Variants in WDR49 observed in about 807,000 individuals in gnomAD.
WDR49 encodes the protein cilia- and flagella-associated protein 337.
In WDR49, 107 loss-of-function variants were observed where a neutral mutation model predicts 119.5. That is an observed-to-expected ratio of 0.90 (90% CI 0.77 to 1.05). The LOEUF (loss-of-function observed/expected upper bound fraction) is 1.05, where lower values mean the gene tolerates loss of function less well. Among genes scored for constraint, WDR49 ranks in the 50% least tolerant of loss-of-function variants. The pLI is 0.00. For synonymous variants in WDR49, 425 were observed against 418.8 expected (o/e 1.01, Z -0.18); for missense variants, 1,240 against 1,220.5 (o/e 1.02, Z -0.24).
At chr3:167,567,676 C>T (rs1266678386) in intron 8 of WDR49, among the ~76,000 whole-genome samples, 2 of 152,156 alleles carry the variant, frequency 1.3e-5, no homozygotes, top group Non-Finnish European at 2.9e-5. Context: ...CTTAAAGGCC[C>T]TCATGACCCC....
chr3:167,552,466 T>C (rs1235388512), intron 10 of WDR49, among the ~76,000 whole-genome samples: 2 of 152,076 alleles, frequency 1.3e-5, no homozygotes, highest in Non-Finnish European at 2.9e-5. Flanking sequence ...AAAACAGATA[T>C]GACTTAGTGA....
rs539480598 is a variant in WDR49 at position 167,595,358 on chromosome 3, G to GA, written c.1275+6768dup. Among the ~76,000 whole-genome samples the GA allele has an allele frequency of 8.8e-3, 1,340 of 152,162 alleles. 90 individuals are homozygous for GA. The East Asian group carries it at 0.17, about 20-fold the overall frequency. The stretch of plus-strand genomic sequence containing the variant: ...ACCAATGACTTTCCTCACAGAATTG[G>GA]AAAAAACTACTTTAAAGTTCATATG... On this transcript the variant is annotated intron_variant, in intron 7 of 18. Coordinates refer to ENST00000682715, the MANE Select transcript of WDR49 (RefSeq NM_001366157.1).
At chr3:167,641,724 T>C (rs1717889786) in intron 2 of WDR49, among the ~76,000 whole-genome samples, 1 of 151,910 alleles carries the variant, frequency 6.6e-6, no homozygotes, top group Admixed American at 6.6e-5. Flanking sequence ...ATTTTCAGAA[T>C]TAAACACTGG....
chr3:167,631,417 A>G (rs1001030289), intron 2 of WDR49, among the ~76,000 whole-genome samples: 17 of 152,076 alleles, frequency 1.1e-4, no homozygotes, highest in African/African-American at 3.9e-4. Flanking sequence ...GAATGTACAC[A>G]TTGGGAGACT....
chr3:167,548,492 C>A (rs1169310328), intron 10 of WDR49, among the ~76,000 whole-genome samples: 2 of 151,936 alleles, frequency 1.3e-5, no homozygotes, highest in African/African-American at 4.8e-5. Context: ...CTGCAATGGG[C>A]AGAGATATTT....
At position 167,478,731 on chromosome 3, in the gene WDR49, G is replaced by A. The variant is rs1051805135; in HGVS notation, c.*147C>T. On this transcript the variant is annotated 3_prime_UTR_variant, in exon 19 of 19. Coordinates refer to ENST00000682715, the MANE Select transcript of WDR49 (RefSeq NM_001366157.1). ...TAAGAATACAGAGAAATTGACAGAT[G>A]ATAGATAAAAGCAGTACTAAATTAT... 4.3e-6 allele frequency: 2 copies of A among 470,026 alleles called. No homozygotes were observed. The highest frequency in any genetic ancestry group is 4.1e-5 in the African/African-American group (2 of 49,082). 29.1% of individuals were successfully genotyped at this position (470,026 alleles called of 1,614,324 possible).
At chr3:167,651,038 A>G (rs1718352539) in intron 2 of WDR49, among the ~76,000 whole-genome samples, 1 of 152,198 alleles carries the variant, frequency 6.6e-6, no homozygotes, top group Non-Finnish European at 1.5e-5. Flanking sequence ...CATAAGCACT[A>G]ATTGCTTTAT....
chr3:167,628,089 G>A (rs1395295454), intron 2 of WDR49, among the ~76,000 whole-genome samples: 1 of 152,034 alleles, frequency 6.6e-6, no homozygotes, highest in Admixed American at 6.6e-5. Context: ...ATACAAGACA[G>A]CAAACTTAAT....
At position 167,584,431 on chromosome 3, in the gene WDR49, A is replaced by T. The variant is rs77556806; in HGVS notation, c.1276-8280T>A. Among the ~76,000 whole-genome samples, 1,040 of 152,278 alleles carry T rather than the reference A, an allele frequency of 6.8e-3. 57 individuals are homozygous for T. In the East Asian group the frequency reaches 0.13, roughly 20 times the overall value. ...TGATAGGGCTTTTCATGGGAATGGG[A>T]CATTTGTACTGATCCTAAAATTTAC... On this transcript the variant is annotated intron_variant, in intron 7 of 18. Transcript: ENST00000682715.
intron 10 of WDR49, among the ~76,000 whole-genome samples, chr3:167,552,570 T>TG (rs1296809968): frequency 6.6e-6 from 1 of 152,066 alleles, no homozygotes; most frequent in African/African-American, 2.4e-5. Context: ...AAGCACGTTT[T>TG]GGAAAGGAGA....
At chr3:167,625,538 T>C (rs564236256) in intron 3 of WDR49, among the ~76,000 whole-genome samples, 1 of 152,206 alleles carries the variant, frequency 6.6e-6, no homozygotes, top group South Asian at 2.1e-4. Flanking sequence ...GAAAAATTAA[T>C]GGGTTTATTT....
chr3:167,554,636 A>T lies in WDR49; in HGVS notation c.1823+14T>A, dbSNP rs374016182. The T allele has an allele frequency of 2.8e-6, 4 of 1,417,438 alleles. No individual in the cohort carries two copies. Among genetic ancestry groups the T allele is most frequent in the African/African-American group, 1.5e-5 (1 of 68,740 alleles). The allele number at this position is 1,417,438 out of a possible 1,614,324, so 87.8% of individuals were successfully genotyped here. Reference sequence around the variant, plus strand: ...TTTAGATTTTGATTAAAATAAAAACATTCTCCTTTTTACCTTCCTATAGTT... The same window carrying T: ...TTTAGATTTTGATTAAAATAAAAACTTTCTCCTTTTTACCTTCCTATAGTT... On this transcript the variant is annotated intron_variant, in intron 10 of 18. Coordinates refer to ENST00000682715, the MANE Select transcript of WDR49 (RefSeq NM_001366157.1).
chr3:167,582,969 TACACACACAC>T (rs142100499), intron 7 of WDR49, among the ~76,000 whole-genome samples: 1 of 137,546 alleles, frequency 7.3e-6, no homozygotes, highest in African/African-American at 2.7e-5. Context: ...CACACACACA[TACACACACAC>T]ACACACACAC....
At chr3:167,572,453 A>G (rs538213282) in intron 8 of WDR49, among the ~76,000 whole-genome samples, 9 of 152,388 alleles carry the variant, frequency 5.9e-5, no homozygotes, top group African/African-American at 2.2e-4. Context: ...ACACAAGGGA[A>G]GGTTTTCATT....
At chr3:167,646,046 A>G (rs1718107358) in intron 2 of WDR49, among the ~76,000 whole-genome samples, 1 of 152,120 alleles carries the variant, frequency 6.6e-6, no homozygotes, top group East Asian at 1.9e-4. Flanking sequence ...AATATTCCAA[A>G]CTGAGGCACC....
At position 167,627,309 on chromosome 3, in the gene WDR49, A is replaced by G; in HGVS notation, c.166-17T>C. The G allele has an allele frequency of 1.6e-6, 2 of 1,234,596 alleles. No homozygotes were observed. Among genetic ancestry groups the G allele is most frequent in the Non-Finnish European group, 2.0e-6 (2 of 988,370 alleles). The allele number at this position is 1,234,596 out of a possible 1,614,324, so 76.5% of individuals were successfully genotyped here. The stretch of plus-strand genomic sequence containing the variant: ...CTGTGGGGACTAGAAACAGGAATCC[A>G]AAAACAATAATGAGACAACAGTGAA... On this transcript the variant is annotated splice_polypyrimidine_tract_variant and intron_variant, in intron 2 of 18. Coordinates refer to ENST00000682715, the MANE Select transcript of WDR49 (RefSeq NM_001366157.1).
chr3:167,588,433 C>T (rs142881683), intron 7 of WDR49, among the ~76,000 whole-genome samples: 1 of 152,216 alleles, frequency 6.6e-6, no homozygotes, highest in Non-Finnish European at 1.5e-5. Flanking sequence ...GATATCTATA[C>T]GATATACTGA....
intron 2 of WDR49, among the ~76,000 whole-genome samples, chr3:167,629,844 C>A (rs1213558129): frequency 2.0e-5 from 3 of 151,986 alleles, no homozygotes; most frequent in Non-Finnish European, 2.9e-5. Flanking sequence ...AGAAGTGGAG[C>A]CTGAAGATGT....
chr3:167,566,877 G>A (rs552286041), intron 8 of WDR49: 43 of 686,240 alleles, frequency 6.3e-5, no homozygotes, highest in African/African-American at 5.1e-4. Context: ...CATTCGTGTC[G>A]TCTTCACATT....
Sources: gnomAD v4.1 joint callset for allele counts (sites outside exome capture counted in the v4.1 genomes callset) on GRCh38, gnomAD v4.1.1 for gene constraint, MANE v1.5 for transcripts, NCBI Gene and HGNC (gene_info 2026-07-23, HGNC 2026-07-21) for gene names.